Variants in PTPN12 observed in about 807,000 individuals in gnomAD.
PTPN12 encodes the protein tyrosine-protein phosphatase non-receptor type 12.
PTPN12 carries 29 observed loss-of-function variants against 97.6 expected under a neutral mutation model. The observed-to-expected ratio is 0.30, with a 90% CI of 0.22 to 0.41. The LOEUF (loss-of-function observed/expected upper bound fraction) is 0.41. PTPN12 is among the 10% of genes least tolerant of loss of function. PTPN12 has a pLI of 1.00. For synonymous variants in PTPN12, 327 were observed against 300.4 expected, an observed-to-expected ratio of 1.09 and a Z score of -0.91; for missense variants, 819 against 926.0, an observed-to-expected ratio of 0.88 and a Z score of 1.50.
chr7:77,570,427 C>T (rs1189287837), intron 1 of PTPN12, among the ~76,000 whole-genome samples: 3 of 152,162 alleles, frequency 2.0e-5, no homozygotes, highest in Non-Finnish European at 4.4e-5. Context: ...TTGAACAATT[C>T]ACAATACTGA....
intron 1 of PTPN12, among the ~76,000 whole-genome samples, chr7:77,558,742 G>A (rs1317150520): frequency 1.3e-5 from 2 of 152,234 alleles, no homozygotes; most frequent in Admixed American, 1.3e-4. Context: ...TGGTTTATGA[G>A]CTGGGCCCAG....
rs934780769 is a variant in PTPN12 at position 77,622,127 on chromosome 7, G to A, written c.1025+3562G>A. Among the ~76,000 whole-genome samples the A allele has an allele frequency of 3.9e-5, 6 of 152,072 alleles. No individual in the cohort carries two copies. The South Asian group carries it at 6.2e-4, about 16-fold the overall frequency. On this transcript the variant is annotated intron_variant, in intron 12 of 17. Transcript: ENST00000248594. ...ACACCACCATGCCTGGCTAATTTCC[G>A]TATTTTTTGTAGAGATGGGTTTTCT...
intron 2 of PTPN12, among the ~76,000 whole-genome samples, chr7:77,572,188 A>G (rs1429691071): frequency 6.6e-6 from 1 of 150,532 alleles, no homozygotes; most frequent in Non-Finnish European, 1.5e-5. Flanking sequence ...TCTGCCTCCC[A>G]GGTTCAAGCG....
At chr7:77,567,298 T>G (rs575462129) in intron 1 of PTPN12, among the ~76,000 whole-genome samples, 1 of 152,256 alleles carries the variant, frequency 6.6e-6, no homozygotes, top group East Asian at 1.9e-4. Flanking sequence ...AGATGTATTC[T>G]CTTTATATAT....
intron 2 of PTPN12, among the ~76,000 whole-genome samples, chr7:77,575,497 G>C (rs1409574077): frequency 6.6e-6 from 1 of 152,130 alleles, no homozygotes; most frequent in Non-Finnish European, 1.5e-5. Context: ...AACAGAGCGA[G>C]ACTGTCTCAA....
At chr7:77,594,227 G>A (rs1787953704) in intron 6 of PTPN12, among the ~76,000 whole-genome samples, 1 of 152,176 alleles carries the variant, frequency 6.6e-6, no homozygotes, top group South Asian at 2.1e-4. Flanking sequence ...TTGGGAGGCT[G>A]AGGTGGGGAG....
At chr7:77,552,588 G>A (rs1168077899) in intron 1 of PTPN12, among the ~76,000 whole-genome samples, 1 of 152,142 alleles carries the variant, frequency 6.6e-6, no homozygotes, top group Non-Finnish European at 1.5e-5. Flanking sequence ...AGATAAAAGA[G>A]GGAAAGGTAA....
intron 12 of PTPN12, among the ~76,000 whole-genome samples, chr7:77,621,553 C>A: frequency 6.6e-6 from 1 of 151,916 alleles, no homozygotes; most frequent in Non-Finnish European, 1.5e-5. Flanking sequence ...CCTGTAGTCT[C>A]AGCTACTTGG....
chr7:77,615,873 C>T (rs760444924), intron 11 of PTPN12, among the ~76,000 whole-genome samples: 2 of 152,164 alleles, frequency 1.3e-5, no homozygotes, highest in Non-Finnish European at 2.9e-5. Context: ...AATCCAAGAA[C>T]ATTGTGAAGT....
intron 5 of PTPN12, among the ~76,000 whole-genome samples, chr7:77,588,943 G>A (rs925280195): frequency 6.6e-6 from 1 of 152,084 alleles, no homozygotes; most frequent in African/African-American, 2.4e-5. Flanking sequence ...CGCGATCTCG[G>A]CTCACTGCAA....
At chr7:77,576,312 T>C (rs1233612199) in intron 2 of PTPN12, among the ~76,000 whole-genome samples, 3 of 152,336 alleles carry the variant, frequency 2.0e-5, no homozygotes, top group African/African-American at 7.2e-5. Flanking sequence ...CCTATGGTTT[T>C]GTTTCTCTTG....
At chr7:77,583,511 T>C (rs758214649) in intron 3 of PTPN12, 44 bp from the exon 4 acceptor site, 2 of 1,199,730 alleles carry the variant, frequency 1.7e-6, no homozygotes, top group African/African-American at 1.5e-5. Flanking sequence ...GAAATATTTT[T>C]GGTAATCAAA....
At chr7:77,540,605 C>G (rs1179138322) in intron 1 of PTPN12, among the ~76,000 whole-genome samples, 2 of 148,162 alleles carry the variant, frequency 1.3e-5, no homozygotes, top group Non-Finnish European at 3.0e-5. Context: ...CTAGGTGATT[C>G]TACATTAGAG....
At chr7:77,598,827 A>G (rs1408656925) in intron 7 of PTPN12, among the ~76,000 whole-genome samples, 1 of 150,694 alleles carries the variant, frequency 6.6e-6, no homozygotes, top group Non-Finnish European at 1.5e-5. Flanking sequence ...TATAATATAT[A>G]TTATTATTTT....
intron 2 of PTPN12, among the ~76,000 whole-genome samples, chr7:77,577,292 G>A (rs929257290): frequency 6.6e-6 from 1 of 152,172 alleles, no homozygotes; most frequent in South Asian, 2.1e-4. Flanking sequence ...TGTGATTTGG[G>A]CATACCTCTG....
intron 7 of PTPN12, among the ~76,000 whole-genome samples, chr7:77,598,682 CAAAAAATAAAAT>C (rs986439640): frequency 9.3e-5 from 14 of 150,378 alleles, no homozygotes; most frequent in South Asian, 2.1e-4. Context: ...GACTCTGTCT[CAAAAAATAAAAT>C]AAAAAATAAA....
intron 1 of PTPN12, among the ~76,000 whole-genome samples, chr7:77,549,460 T>C (rs1364930177): frequency 1.3e-5 from 2 of 152,142 alleles, no homozygotes; most frequent in African/African-American, 4.8e-5. Context: ...CAAACTAAAA[T>C]TAAGATTATC....
At chr7:77,570,497 A>G (rs1056741125) in intron 1 of PTPN12, among the ~76,000 whole-genome samples, 2 of 152,224 alleles carry the variant, frequency 1.3e-5, no homozygotes, top group African/African-American at 4.8e-5. Flanking sequence ...TTCCAGCCCA[A>G]AGAACATCCC....
chr7:77,563,091 A>T (rs1808073928), intron 1 of PTPN12, among the ~76,000 whole-genome samples: 1 of 152,212 alleles, frequency 6.6e-6, no homozygotes, highest in Non-Finnish European at 1.5e-5. Context: ...AAAATCAAGG[A>T]CTATTACTAC....
Sources: allele counts gnomAD v4.1 joint callset (sites outside exome capture counted in the v4.1 genomes callset), GRCh38; gene constraint gnomAD v4.1.1; transcripts MANE v1.5; gene names NCBI Gene and HGNC (gene_info 2026-07-23, HGNC 2026-07-21).